Variants in STXBP5 observed in about 807,000 individuals in gnomAD.
The protein encoded by STXBP5 is syntaxin binding protein 5.
In STXBP5, 50 loss-of-function variants were observed where a neutral mutation model predicts 152.4. That is an observed-to-expected ratio of 0.33 (90% confidence interval 0.26 to 0.42). The LOEUF (loss-of-function observed/expected upper bound fraction) is 0.42. STXBP5 is among the 10% of genes least tolerant of loss of function. The probability of loss-of-function intolerance (pLI) is 1.00; values close to 1 mark genes in which losing one functional copy is unlikely to be tolerated. For missense variants in STXBP5, 1,167 were observed against 1,388.6 expected, an observed-to-expected ratio of 0.84 and a Z score of 2.54; for synonymous variants, 492 against 494.7, an observed-to-expected ratio of 0.99 and a Z score of 0.07.
rs1018946572 is a variant in STXBP5, at chr6:147,381,881, T to C, written c.3194-897T>C. Among the ~76,000 whole-genome samples the C allele has an allele frequency of 3.3e-5, 5 of 151,488 alleles. No individual in the cohort carries two copies. The East Asian group carries it at 7.8e-4, about 24-fold the overall frequency. On this transcript the variant is annotated intron_variant, in intron 26 of 27. Coordinates refer to ENST00000321680, the MANE Select transcript of STXBP5 (RefSeq NM_001127715.4). ...AGTGATTGCCAAGAACTGCAAAGAG[T>C]GGGAATGGAAAGTGACTGCTAACAG...
intron 7 of STXBP5, 105 bp downstream of exon 7, chr6:147,267,272 C>T (rs780261660): frequency 1.3e-6 from 1 of 774,658 alleles, no homozygotes; most frequent in Non-Finnish European, 2.1e-6. Flanking sequence ...TTTGTAATTG[C>T]AGTAATACAC....
chr6:147,373,375 A>C (rs943679904), intron 25 of STXBP5, among the ~76,000 whole-genome samples: 13 of 151,682 alleles, frequency 8.6e-5, no homozygotes, highest in African/African-American at 3.1e-4. Flanking sequence ...AAAAAAAAAA[A>C]AAAAAAAAAA....
At chr6:147,258,020 A>G (rs1168640727) in intron 4 of STXBP5, among the ~76,000 whole-genome samples, 1 of 152,150 alleles carries the variant, frequency 6.6e-6, no homozygotes, top group Non-Finnish European at 1.5e-5. Context: ...AGGGTCTCCA[A>G]CAGGCTAGTC....
At chr6:147,358,792 A>C (rs975513160) in intron 22 of STXBP5, among the ~76,000 whole-genome samples, 1 of 152,138 alleles carries the variant, frequency 6.6e-6, no homozygotes, top group Non-Finnish European at 1.5e-5. Flanking sequence ...GTGGAAGTGG[A>C]TCATCCCAAA....
At chr6:147,210,596 C>A (rs1394449658) in intron 2 of STXBP5, among the ~76,000 whole-genome samples, 1 of 152,180 alleles carries the variant, frequency 6.6e-6, no homozygotes, top group East Asian at 1.9e-4. Flanking sequence ...CTACTAAATG[C>A]CCATGTTGCC....
chr6:147,252,767 A>T (rs73582601), intron 4 of STXBP5, among the ~76,000 whole-genome samples: 34 of 152,234 alleles, frequency 2.2e-4, no homozygotes, highest in African/African-American at 7.5e-4. Flanking sequence ...CCCAAGACAC[A>T]CAATTGTCAG....
intron 2 of STXBP5, among the ~76,000 whole-genome samples, chr6:147,209,867 G>A (rs1230231720): frequency 6.6e-6 from 1 of 152,168 alleles, no homozygotes; most frequent in Non-Finnish European, 1.5e-5. Context: ...AGGGAATTAT[G>A]CGAGTTTGGA....
intron 18 of STXBP5, among the ~76,000 whole-genome samples, chr6:147,329,922 C>T (rs1481392400): frequency 1.3e-5 from 2 of 151,966 alleles, no homozygotes; most frequent in Admixed American, 6.6e-5. Context: ...CCACCGCGCC[C>T]GGCCTCTTCA....
At chr6:147,239,052 TAAATCTGTTGGCAG>T in intron 3 of STXBP5, 104 bp from the exon 4 acceptor site, 1 of 847,530 alleles carries the variant, frequency 1.2e-6, no homozygotes, top group South Asian at 2.1e-5. Context: ...TTCTTAGATC[TAAATCTGTTGGCAG>T]AAAGTTTTGA....
At chr6:147,347,213 G>A (rs535390927) in intron 21 of STXBP5, among the ~76,000 whole-genome samples, 9 of 152,196 alleles carry the variant, frequency 5.9e-5, no homozygotes, top group African/African-American at 1.9e-4. Context: ...CAAATTAAAC[G>A]CCAAGTTAAT....
chr6:147,265,430 A>G (rs1279560917), intron 6 of STXBP5, among the ~76,000 whole-genome samples: 2 of 152,052 alleles, frequency 1.3e-5, no homozygotes, highest in Admixed American at 6.6e-5. Context: ...TGTGTCTACT[A>G]TGTATTAGGA....
intron 18 of STXBP5, among the ~76,000 whole-genome samples, chr6:147,331,805 TA>T (rs758010688): frequency 0.016 from 1,820 of 115,374 alleles, 37 homozygotes; most frequent in African/African-American, 0.049. Context: ...TTCTACCAGT[TA>T]AAAAAAAAAA....
chr6:147,349,728 C>A (rs944845526), intron 21 of STXBP5, among the ~76,000 whole-genome samples: 1 of 152,030 alleles, frequency 6.6e-6, no homozygotes, highest in Non-Finnish European at 1.5e-5. Context: ...TCCTGGGAGG[C>A]CAGAAGTATA....
At chr6:147,305,032 A>C (rs1782018700) in intron 9 of STXBP5, among the ~76,000 whole-genome samples, 3 of 152,192 alleles carry the variant, frequency 2.0e-5, no homozygotes, top group Admixed American at 2.0e-4. Context: ...CCAGTGATAG[A>C]GTAAGTCAAG....
chr6:147,388,522 A>C lies in STXBP5; in HGVS notation c.*3767A>C, dbSNP rs1292413323. ...TTAAGTTTAAGTCAAAGTACTTAAAAAGTATGTATATTATCCATACAAAAA... is the reference window on the plus strand; with the variant it reads ...TTAAGTTTAAGTCAAAGTACTTAAACAGTATGTATATTATCCATACAAAAA... On this transcript the variant is annotated 3_prime_UTR_variant, in exon 28 of 28. Coordinates refer to ENST00000321680, the MANE Select transcript of STXBP5 (RefSeq NM_001127715.4). 1 of 151,586 alleles carries C rather than the reference A, an allele frequency of 6.6e-6. No homozygotes were observed. Among genetic ancestry groups the C allele is most frequent in the Non-Finnish European group, 1.5e-5 (1 of 67,658 alleles). The allele number at this position is 151,586 out of a possible 1,614,324, so 9.4% of individuals were successfully genotyped here. A position where few individuals can be genotyped will look rare whatever the true frequency, so the allele number is the denominator to read the frequency against.
intron 16 of STXBP5, among the ~76,000 whole-genome samples, chr6:147,321,711 C>T (rs923404629): frequency 7.9e-5 from 12 of 152,170 alleles, no homozygotes; most frequent in East Asian, 1.9e-4. Context: ...TGAGGCTCTA[C>T]GCATCACTTT....
At chr6:147,232,300 A>G (rs535354600) in intron 2 of STXBP5, among the ~76,000 whole-genome samples, 2 of 151,858 alleles carry the variant, frequency 1.3e-5, no homozygotes, top group African/African-American at 2.4e-5. Context: ...CTACCCAGGC[A>G]TCTCCTCTGG....
chr6:147,291,227 G>T, intron 9 of STXBP5, 55 bp downstream of exon 9: 1 of 1,372,472 alleles, frequency 7.3e-7, no homozygotes, highest in Non-Finnish European at 1.0e-6. Flanking sequence ...CAAATAGCAT[G>T]GAAGGCTATT....
At chr6:147,292,014 T>C (rs1221145832) in intron 9 of STXBP5, among the ~76,000 whole-genome samples, 1 of 152,174 alleles carries the variant, frequency 6.6e-6, no homozygotes, top group Non-Finnish European at 1.5e-5. Context: ...TCAAAAACTC[T>C]AGGGTCGGGA....
Sources: gnomAD v4.1 joint callset for allele counts (sites outside exome capture counted in the v4.1 genomes callset) on GRCh38, gnomAD v4.1.1 for gene constraint, MANE v1.5 for transcripts, NCBI Gene and HGNC (gene_info 2026-07-23, HGNC 2026-07-21) for gene names.